The following PDZD8 variants were observed in gnomAD, a reference collection of about 807,000 sequenced individuals.
PDZD8 encodes the protein PDZ domain containing 8, also known as PDZ domain-containing protein 8.
A neutral mutation model predicts 85.8 loss-of-function variants in PDZD8; 14 were observed. That is an observed-to-expected ratio of 0.16 (90% CI 0.11 to 0.26). PDZD8 has a LOEUF of 0.26. PDZD8 is among the 10% of genes least tolerant of loss of function. PDZD8 has a pLI of 1.00. For missense variants in PDZD8, 1,197 were observed against 1,424.3 expected (o/e 0.84, Z 2.57); for synonymous variants, 592 against 568.6 (o/e 1.04, Z -0.59).
At chr10:117,353,733 TACAG>T (rs1844846058) in intron 1 of PDZD8, among the ~76,000 whole-genome samples, 1 of 109,674 alleles carries the variant, frequency 9.1e-6, no homozygotes, top group Non-Finnish European at 1.7e-5. Flanking sequence ...AATTACTGGC[TACAG>T]ACAAAGCAAG....
chr10:117,278,953 G>GCTCTCTTTTTT lies in PDZD8; in HGVS notation c.*4314_*4315insAAAAAAGAGAG, dbSNP rs1844539572. 1 of 152,152 alleles carries GCTCTCTTTTTT rather than the reference G, an allele frequency of 6.6e-6. No homozygotes were observed. Among genetic ancestry groups the GCTCTCTTTTTT allele is most frequent in the Non-Finnish European group, 1.5e-5 (1 of 68,032 alleles). 9.4% of individuals were successfully genotyped at this position (152,152 alleles called of 1,614,324 possible). A position where few individuals can be genotyped will look rare whatever the true frequency, so the allele number is the denominator to read the frequency against. On this transcript the variant is annotated 3_prime_UTR_variant, in exon 5 of 5. Coordinates refer to ENST00000334464, the MANE Select transcript of PDZD8 (RefSeq NM_173791.5). ...CAGGGGTAGAGCCTTAAAAAAGAACGTGCTACAAATTGGTTCTCTTTGAGG... is the reference window on the plus strand; with the variant it reads ...CAGGGGTAGAGCCTTAAAAAAGAACGCTCTCTTTTTTTGCTACAAATTGGTTCTCTTTGAGG...
At chr10:117,304,911 G>A (rs1428561060) in intron 3 of PDZD8, among the ~76,000 whole-genome samples, 3 of 152,126 alleles carry the variant, frequency 2.0e-5, no homozygotes, top group Non-Finnish European at 4.4e-5. Flanking sequence ...GACTAATACA[G>A]TATCTGTAGA....
chr10:117,347,625 T>A (rs915019871), intron 1 of PDZD8, among the ~76,000 whole-genome samples: 3 of 146,540 alleles, frequency 2.0e-5, no homozygotes, highest in African/African-American at 7.8e-5. Flanking sequence ...TTTTACAGAG[T>A]TTGACTCTTT....
chr10:117,374,880 G>A lies in PDZD8; in HGVS notation c.348C>T (p.Arg116=), dbSNP rs1294311624. ...CCTTGATCTTCTTGGTGACCCAGCG[G>A]CGGGTCAGCGCGGTGTCCCGCAACT... ...FRELRDTALT[R]RWVTKKIKVE... The change falls in exon 1 of 5, where the codon CGC becomes CGT. Residue 116 remains arginine, a synonymous_variant. Transcript: ENST00000334464. This position sits in a 1 kb window ranked among gnomAD's most constrained non-coding sequence, Gnocchi z 7.8. 8 of 1,613,446 alleles carry A rather than the reference G, an allele frequency of 5.0e-6. No individual in the cohort carries two copies. Among genetic ancestry groups the A allele is most frequent in the African/African-American group, 4.0e-5 (3 of 74,924 alleles).
At chr10:117,323,937 C>A (rs1341161918) in intron 2 of PDZD8, among the ~76,000 whole-genome samples, 2 of 151,960 alleles carry the variant, frequency 1.3e-5, no homozygotes, top group African/African-American at 2.4e-5. Context: ...ATAAAAAAGA[C>A]AAAAGACAGG....
intron 1 of PDZD8, among the ~76,000 whole-genome samples, chr10:117,359,300 C>T (rs997127093): frequency 2.0e-5 from 3 of 151,810 alleles, no homozygotes; most frequent in Admixed American, 1.3e-4. Context: ...CCTGTAGTCC[C>T]AGCTACTGGG....
At position 117,352,086 on chromosome 10, in the gene PDZD8, C is replaced by T. The variant is rs562430257; in HGVS notation, c.873-10984G>A. Among the ~76,000 whole-genome samples the T allele has an allele frequency of 2.2e-3, 307 of 142,606 alleles. 3 individuals are homozygous for T. The highest frequency in any genetic ancestry group is 1.3e-3 in the South Asian group (6 of 4,494). 93.6% of individuals were successfully genotyped at this position (142,606 alleles called of 152,430 possible). Reference sequence around the variant, plus strand: ...CTTCTCCTGTGTAGATCTGACAGAACCTTTTGTAACATCTAAAATATGTCT... The same window carrying T: ...CTTCTCCTGTGTAGATCTGACAGAATCTTTTGTAACATCTAAAATATGTCT... On this transcript the variant is annotated intron_variant, in intron 1 of 4. Coordinates refer to ENST00000334464, the MANE Select transcript of PDZD8 (RefSeq NM_173791.5).
chr10:117,307,158 T>C (rs779843802), intron 3 of PDZD8, among the ~76,000 whole-genome samples: 8 of 152,142 alleles, frequency 5.3e-5, no homozygotes, highest in Non-Finnish European at 1.2e-4. Context: ...TGTGTATGTT[T>C]ATAAAGTTTT....
At chr10:117,338,908 A>G (rs1462633449) in intron 2 of PDZD8, among the ~76,000 whole-genome samples, 2 of 152,190 alleles carry the variant, frequency 1.3e-5, no homozygotes, top group Non-Finnish European at 2.9e-5. Flanking sequence ...ACAGACATAT[A>G]ATCAATACCT....
chr10:117,331,248 G>C (rs1844417869), intron 2 of PDZD8, among the ~76,000 whole-genome samples: 1 of 152,146 alleles, frequency 6.6e-6, no homozygotes. Context: ...GGTAGTAGCA[G>C]AAATAGTTGA....
rs952725258 is a variant in PDZD8 at position 117,279,709 on chromosome 10, A to G, written c.*3559T>C. ...TCCTGATGGTTGTCAACAAATAACC[A>G]TATCTGATGAAAACAGCTGTAATAT... On this transcript the variant is annotated 3_prime_UTR_variant, in exon 5 of 5. Transcript: ENST00000334464. 2.0e-5 allele frequency: 3 copies of G among 152,240 alleles called. No homozygotes were observed. Among genetic ancestry groups the G allele is most frequent in the Admixed American group, 1.3e-4 (2 of 15,288 alleles). The allele number at this position is 152,240 out of a possible 1,614,324, so 9.4% of individuals were successfully genotyped here.
rs937656721 is a variant in PDZD8 at position 117,287,292 on chromosome 10, C to T, written c.1262-1821G>A. Reference sequence around the variant, plus strand: ...CTCTCCTCTAGCTTCTTTTTCTCCACCTATACCACCTGCACCTTATATGCA... The same window carrying T: ...CTCTCCTCTAGCTTCTTTTTCTCCATCTATACCACCTGCACCTTATATGCA... On this transcript the variant is annotated intron_variant, in intron 4 of 4. Transcript: ENST00000334464. Among the ~76,000 whole-genome samples, 3 of 152,256 alleles carry T rather than the reference C, an allele frequency of 2.0e-5. No individual in the cohort carries two copies. The East Asian group carries it at 5.8e-4, about 29-fold the overall frequency.
chr10:117,359,064 T>A (rs1844948963), intron 1 of PDZD8, among the ~76,000 whole-genome samples: 1 of 151,984 alleles, frequency 6.6e-6, no homozygotes, highest in Non-Finnish European at 1.5e-5. Flanking sequence ...GCTAGTTGAT[T>A]TTTTTTAATT....
chr10:117,283,962 G>C lies in PDZD8; in HGVS notation c.2771C>G (p.Ala924Gly), dbSNP rs1402989332. ...TGTTGTTTTATTGACTGACTTGCTA[G>C]CTTCAGCATCAACACGAGGAGGCAG... ...LGLPPRVDAE[A>G]SKSVNKTTGL... Residue 924 changes from alanine (A) to glycine (G), a missense_variant, in exon 5 of 5, where the codon GCT becomes GGT. By Grantham distance (60) the Ala-to-Gly change is moderately conservative (BLOSUM62 0). Coordinates refer to ENST00000334464, the MANE Select transcript of PDZD8 (RefSeq NM_173791.5). 1.2e-6 allele frequency: 2 copies of C among 1,614,074 alleles called. No homozygotes were observed. The highest frequency in any genetic ancestry group is 1.3e-5 in the African/African-American group (1 of 74,920).
chr10:117,277,806 G>A lies in PDZD8; in HGVS notation c.*5462C>T, dbSNP rs535251449. On this transcript the variant is annotated 3_prime_UTR_variant, in exon 5 of 5. Transcript: ENST00000334464. ...TGCGTTAAACAGCTAGTTCTCTCAA[G>A]TGTAGAGGACAAGAACTTGTGTCAG... 11 of 152,344 alleles carry A rather than the reference G, an allele frequency of 7.2e-5. No individual in the cohort carries two copies. The highest frequency in any genetic ancestry group is 2.6e-4 in the Admixed American group (4 of 15,304). 9.4% of individuals were successfully genotyped at this position (152,344 alleles called of 1,614,324 possible). A position where few individuals can be genotyped will look rare whatever the true frequency, so the allele number is the denominator to read the frequency against.
intron 1 of PDZD8, among the ~76,000 whole-genome samples, chr10:117,345,806 G>A (rs1844695374): frequency 6.6e-6 from 1 of 152,194 alleles, no homozygotes; most frequent in African/African-American, 2.4e-5. Context: ...TATTTACAGA[G>A]GAAGCCTTCA....
chr10:117,366,980 C>T (rs942451756), intron 1 of PDZD8, among the ~76,000 whole-genome samples: 30 of 152,324 alleles, frequency 2.0e-4, no homozygotes, highest in African/African-American at 6.5e-4. Context: ...GTTAGTAATA[C>T]TTGTAAGTCA....
intron 1 of PDZD8, among the ~76,000 whole-genome samples, chr10:117,351,401 A>T (rs538602306): frequency 6.6e-6 from 1 of 152,218 alleles, no homozygotes; most frequent in Admixed American, 6.5e-5. Context: ...TACATACAGT[A>T]TGATTCAATT....
rs149099360 is a variant in PDZD8, at chr10:117,342,826, T to C, written c.873-1724A>G. Among the ~76,000 whole-genome samples, 48 of 152,298 alleles carry C rather than the reference T, an allele frequency of 3.2e-4. 1 individual carries two copies. The East Asian group carries it at 6.8e-3, about 21-fold the overall frequency. On this transcript the variant is annotated intron_variant, in intron 1 of 4. Coordinates refer to ENST00000334464, the MANE Select transcript of PDZD8 (RefSeq NM_173791.5). ...TTTCTAATCATATATTCTCTTAATA[T>C]AAACATTCCAATCTAGAAAGTCACC...
Sources: gnomAD v4.1 joint callset for allele counts (sites outside exome capture counted in the v4.1 genomes callset) on GRCh38, gnomAD v4.1.1 for gene constraint, Gnocchi (gnomAD v3.1) non-coding constraint, MANE v1.5 for transcripts, NCBI Gene and HGNC (gene_info 2026-07-23, HGNC 2026-07-21) for gene names.